Variants in PPM1G observed in about 807,000 individuals in gnomAD.
PPM1G encodes protein phosphatase 1G.
PPM1G carries 12 observed loss-of-function variants against 59.4 expected under a neutral mutation model. That is an observed-to-expected ratio of 0.20 (90% CI 0.13 to 0.33). The LOEUF is 0.33. PPM1G is among the 10% of genes least tolerant of loss of function. The pLI, the probability that PPM1G is intolerant of heterozygous loss-of-function variation, is 1.00. For synonymous variants in PPM1G, 245 were observed against 251.9 expected (o/e 0.97, Z 0.26); for missense variants, 392 against 681.3 (o/e 0.58, Z 4.73).
chr2:27,394,172 C>T (rs1050598414), intron 1 of PPM1G, among the ~76,000 whole-genome samples: 2 of 152,134 alleles, frequency 1.3e-5, no homozygotes, highest in Non-Finnish European at 2.9e-5. Flanking sequence ...GCTGGGATTA[C>T]AGGTGTGAGC....
chr2:27,388,055 C>T (rs1683811773), intron 1 of PPM1G, among the ~76,000 whole-genome samples: 1 of 151,778 alleles, frequency 6.6e-6, no homozygotes, highest in Non-Finnish European at 1.5e-5. Context: ...GCCTCAGTCT[C>T]CCAAAGTGCT....
intron 1 of PPM1G, 69 bp downstream of exon 1, chr2:27,409,234 T>G (rs1287081986): frequency 6.7e-7 from 1 of 1,497,604 alleles, no homozygotes; most frequent in Admixed American, 2.2e-5. Flanking sequence ...GAGGACCCCA[T>G]CCCCCGCTCT....
intron 1 of PPM1G, among the ~76,000 whole-genome samples, chr2:27,405,177 G>A (rs960736078): frequency 3.3e-5 from 5 of 149,442 alleles, no homozygotes; most frequent in African/African-American, 1.2e-4. Context: ...AGGTTCAAGC[G>A]ATTCTCCTGC....
In PPM1G at chr2:27,384,005, C is replaced by T. The variant is rs1036685032; in HGVS notation, c.913G>A (p.Asp305Asn). ...ATCATCTCTTCTTCTTCTTCTTCAT[C>T]GTCCTCTTCAGCCTCCTCGGTGTCA... is the stretch of plus-strand genomic sequence containing the variant. The part of the protein sequence containing the change: ...EDDTEEAEED[D>N]EEEEEEMMVP... Residue 305 changes from aspartate to asparagine, a missense_variant, in exon 6 of 10, where the codon GAT becomes AAT. Transcript: ENST00000344034. This position sits in a 1 kb window ranked among gnomAD's most constrained non-coding sequence, Gnocchi z 4.8. 11 of 1,578,940 alleles carry T rather than the reference C, an allele frequency of 7.0e-6. No homozygotes were observed. Among genetic ancestry groups the T allele is most frequent in the Non-Finnish European group, 8.6e-6 (10 of 1,161,784 alleles).
chr2:27,381,911 A>C, intron 9 of PPM1G, 106 bp from the exon 10 acceptor site: 3 of 1,201,636 alleles, frequency 2.5e-6, no homozygotes, highest in Non-Finnish European at 3.6e-6. Context: ...GTAGGAGAGG[A>C]ATGGGCAAGA....
intron 1 of PPM1G, among the ~76,000 whole-genome samples, chr2:27,394,657 G>A (rs1684000283): frequency 1.3e-5 from 2 of 151,326 alleles, no homozygotes; most frequent in African/African-American, 4.9e-5. Flanking sequence ...CTTGAACCCG[G>A]GAGGCGGACC....
chr2:27,393,709 C>T (rs1035906683), intron 1 of PPM1G, among the ~76,000 whole-genome samples: 2 of 152,078 alleles, frequency 1.3e-5, no homozygotes, highest in Non-Finnish European at 2.9e-5. Flanking sequence ...CTCAGCCTCC[C>T]GAGTAGCTGG....
chr2:27,385,219 A>G lies in PPM1G; in HGVS notation c.410-131T>C. ...CCCACTCCCAAGGTTCCTCTCGCTC[A>G]AGTCTCAGAAGAACATGCCCTAGCT... On this transcript the variant is annotated intron_variant, in intron 4 of 9. Coordinates refer to ENST00000344034, the MANE Select transcript of PPM1G (RefSeq NM_177983.3). This position sits in a 1 kb window ranked among gnomAD's most constrained non-coding sequence, Gnocchi z 4.1. The G allele has an allele frequency of 9.7e-7, 1 of 1,031,822 alleles. No individual in the cohort carries two copies. The highest frequency in any genetic ancestry group is 1.4e-6 in the Non-Finnish European group (1 of 732,892). 63.9% of individuals were successfully genotyped at this position (1,031,822 alleles called of 1,614,324 possible). A position where few individuals can be genotyped will look rare whatever the true frequency, so the allele number is the denominator to read the frequency against.
chr2:27,385,574 T>C lies in PPM1G; in HGVS notation c.409+173A>G. 1.3e-6 allele frequency: 1 copy of C among 795,236 alleles called. No individual in the cohort carries two copies. The highest frequency in any genetic ancestry group is 1.9e-6 in the Non-Finnish European group (1 of 525,834). 49.3% of individuals were successfully genotyped at this position (795,236 alleles called of 1,614,324 possible). ...CTCAGATGCCACTCAACGAAGATAA[T>C]TCTCTCCCTCCTTTTCATAACCACA... is the stretch of plus-strand genomic sequence containing the variant. On this transcript the variant is annotated intron_variant, in intron 4 of 9. Transcript: ENST00000344034. This position sits in a 1 kb window ranked among gnomAD's most constrained non-coding sequence, Gnocchi z 4.1.
At chr2:27,386,095 A>G (rs1378371841) in intron 3 of PPM1G, 99 bp downstream of exon 3, 1 of 1,279,606 alleles carries the variant, frequency 7.8e-7, no homozygotes, top group Non-Finnish European at 1.1e-6. Context: ...GTAAATAAGC[A>G]GCAGCAGCTA....
chr2:27,390,071 G>C (rs1647281), intron 1 of PPM1G, among the ~76,000 whole-genome samples: 71,051 of 151,216 alleles, frequency 0.47, 18,387 homozygotes, highest in African/African-American at 0.69. Flanking sequence ...GGCTGGAGTA[G>C]AGTGGCGCGA....
At chr2:27,405,314 G>A (rs1333634650) in intron 1 of PPM1G, among the ~76,000 whole-genome samples, 3 of 151,936 alleles carry the variant, frequency 2.0e-5, no homozygotes, top group East Asian at 1.9e-4. Context: ...CTCGTGATCC[G>A]CCCACCTCGG....
In PPM1G at chr2:27,385,536, A is replaced by G; in HGVS notation, c.409+211T>C. ...CACAATGACAAAAGATAATGTATAT[A>G]CAATGCTTACAGCTCAGATGCCACT... On this transcript the variant is annotated intron_variant, in intron 4 of 9. Transcript: ENST00000344034. This position sits in a 1 kb window ranked among gnomAD's most constrained non-coding sequence, Gnocchi z 4.1. 8 of 602,230 alleles carry G rather than the reference A, an allele frequency of 1.3e-5. No homozygotes were observed. In the South Asian group the frequency reaches 2.0e-4, roughly 15 times the overall value. 37.3% of individuals were successfully genotyped at this position (602,230 alleles called of 1,614,324 possible). A position where few individuals can be genotyped will look rare whatever the true frequency, so the allele number is the denominator to read the frequency against.
At chr2:27,393,855 C>T (rs1176802749) in intron 1 of PPM1G, among the ~76,000 whole-genome samples, 9 of 152,146 alleles carry the variant, frequency 5.9e-5, no homozygotes, top group Non-Finnish European at 1.0e-4. Context: ...CTCCGCCTTC[C>T]GGGTTCACGC....
chr2:27,383,251 T>G lies in PPM1G; in HGVS notation c.1201+115A>C. The G allele has an allele frequency of 1.2e-6, 1 of 818,994 alleles. No individual in the cohort carries two copies. The highest frequency in any genetic ancestry group is 2.0e-6 in the Non-Finnish European group (1 of 500,744). 50.7% of individuals were successfully genotyped at this position (818,994 alleles called of 1,614,324 possible). A position where few individuals can be genotyped will look rare whatever the true frequency, so the allele number is the denominator to read the frequency against. ...CACAGAAATATAAGAACAGAGGTAG[T>G]AGATATTAAAGTGCTTTGAAAGGCA... On this transcript the variant is annotated intron_variant, in intron 7 of 9. Coordinates refer to ENST00000344034, the MANE Select transcript of PPM1G (RefSeq NM_177983.3). The surrounding 1 kb of genome is among the most constrained non-coding windows in gnomAD (Gnocchi z 5.0).
At position 27,382,050 on chromosome 2, in the gene PPM1G, C is replaced by T. The variant is rs769437845; in HGVS notation, c.1434+76G>A. On this transcript the variant is annotated intron_variant, in intron 9 of 9. Transcript: ENST00000344034. This position sits in a 1 kb window ranked among gnomAD's most constrained non-coding sequence, Gnocchi z 4.2. ...ATTACTGATAATGCTCCCAGATTGC[C>T]GACTTAGCTCAGATTAAAAGAGTGA... The T allele has an allele frequency of 2.9e-5, 41 of 1,422,416 alleles. No homozygotes were observed. Among genetic ancestry groups the T allele is most frequent in the Non-Finnish European group, 3.8e-5 (38 of 1,012,152 alleles). The allele number at this position is 1,422,416 out of a possible 1,614,324, so 88.1% of individuals were successfully genotyped here.
chr2:27,385,093 AG>A lies in PPM1G; in HGVS notation c.410-6del. 1.9e-6 allele frequency: 3 copies of A among 1,588,270 alleles called. No homozygotes were observed. The highest frequency in any genetic ancestry group is 2.2e-5 in the East Asian group (1 of 44,744). ...GTGCAGCCTCCTCATTGTCCACTGCAGGGAAGAGGCTAAATCAGAGCCCCCA... is the reference window on the plus strand; with the variant it reads ...GTGCAGCCTCCTCATTGTCCACTGCAGGAAGAGGCTAAATCAGAGCCCCCA... On this transcript the variant is annotated splice_region_variant and splice_polypyrimidine_tract_variant and intron_variant, in intron 4 of 9. Transcript: ENST00000344034. This position sits in a 1 kb window ranked among gnomAD's most constrained non-coding sequence, Gnocchi z 4.1.
chr2:27,381,475 A>G lies in PPM1G; in HGVS notation c.*124T>C, dbSNP rs1683625214. On this transcript the variant is annotated 3_prime_UTR_variant, in exon 10 of 10. Transcript: ENST00000344034. ...AGCCCTCTTTGGAATGGGCGGAGTG[A>G]AGCCACCCAGCTCCCCCTGCACACC... The G allele has an allele frequency of 2.7e-6, 3 of 1,128,470 alleles. No individual in the cohort carries two copies. In the East Asian group the frequency reaches 7.2e-5, roughly 27 times the overall value. 69.9% of individuals were successfully genotyped at this position (1,128,470 alleles called of 1,614,324 possible).
At chr2:27,388,036 G>C (rs1414300051) in intron 1 of PPM1G, among the ~76,000 whole-genome samples, 5 of 151,950 alleles carry the variant, frequency 3.3e-5, no homozygotes, top group South Asian at 4.2e-4. Context: ...CTGATCTCGG[G>C]ATCCACCCGC....
Sources: allele counts gnomAD v4.1 joint callset (sites outside exome capture counted in the v4.1 genomes callset), GRCh38; gene constraint gnomAD v4.1.1; non-coding constraint Gnocchi (gnomAD v3.1); transcripts MANE v1.5; gene names NCBI Gene and HGNC (gene_info 2026-07-23, HGNC 2026-07-21).